LARGE1: variants seen among roughly 807,000 people sequenced by gnomAD.
LARGE1 encodes the protein xylosyl- and glucuronyltransferase LARGE1.
Under a neutral mutation model 87.6 loss-of-function variants are expected in LARGE1, and 43 were observed. The observed-to-expected ratio is 0.49, with a 90% CI of 0.38 to 0.63. The LOEUF (loss-of-function observed/expected upper bound fraction) is 0.63. Ranked by LOEUF, LARGE1 falls within the 30% of genes least tolerant of loss-of-function variation. The probability of loss-of-function intolerance (pLI) is 0.00; values close to 1 mark genes in which losing one functional copy is unlikely to be tolerated. For missense variants in LARGE1, 802 were observed against 1,000.2 expected (o/e 0.80, Z 2.67); for synonymous variants, 434 against 394.6 (o/e 1.10, Z -1.18).
In LARGE1 at chr22:33,283,358, G is replaced by T. The variant is rs772579469; in HGVS notation, c.1731-10C>A. 1.9e-6 allele frequency: 3 copies of T among 1,614,060 alleles called. No homozygotes were observed. Among genetic ancestry groups the T allele is most frequent in the Non-Finnish European group, 2.5e-6 (3 of 1,180,040 alleles). The stretch of plus-strand genomic sequence containing the variant: ...CTGGATGACAGACTTCCTGAAAAGA[G>T]GGGACAGGCAGAGAGACAGAGTCCC... On this transcript the variant is annotated splice_polypyrimidine_tract_variant and intron_variant, in intron 12 of 14. Coordinates refer to ENST00000397394, the MANE Select transcript of LARGE1 (RefSeq NM_133642.5).
intron 9 of LARGE1, among the ~76,000 whole-genome samples, chr22:33,359,558 A>ATTTTTTTTT (rs2064305372): frequency 7.1e-6 from 1 of 140,572 alleles, no homozygotes; most frequent in African/African-American, 2.7e-5. Context: ...TGGCAGACTC[A>ATTTTTTTTT]TCTTTTTTTT....
At chr22:33,153,669 T>C in the LARGE1 span, among the ~76,000 whole-genome samples, 2 of 152,230 alleles carry the variant, frequency 1.3e-5, no homozygotes, top group Non-Finnish European at 2.9e-5. Flanking sequence ...ACACATTTAC[T>C]TAACACTCTG....
chr22:33,908,903 G>T (rs1291933022), intron 1 of LARGE1, among the ~76,000 whole-genome samples: 1 of 152,172 alleles, frequency 6.6e-6, no homozygotes, highest in African/African-American at 2.4e-5. Context: ...CCAGAACCCA[G>T]ATGTCAGAGC....
chr22:33,143,549 T>G, the LARGE1 span, among the ~76,000 whole-genome samples: 1 of 152,124 alleles, frequency 6.6e-6, no homozygotes, highest in Non-Finnish European at 1.5e-5. Flanking sequence ...CATAATAAAA[T>G]TAACCCATTG....
At chr22:33,473,050 T>A (rs2068915227) in intron 6 of LARGE1, among the ~76,000 whole-genome samples, 1 of 152,204 alleles carries the variant, frequency 6.6e-6, no homozygotes, top group South Asian at 2.1e-4. Flanking sequence ...GAACTTTTAA[T>A]GCTAAAATTG....
the LARGE1 span, chr22:33,137,159 T>C: frequency 0.42 from 64,138 of 152,050 alleles, 13,977 homozygotes; most frequent in South Asian, 0.68. Flanking sequence ...CAGCCTTTAC[T>C]GTGAAGCTCA....
Position 33,761,553 on chromosome 22 carries a change from T to C in LARGE1, c.-77A>G, listed in dbSNP as rs2084730987. 1.8e-6 allele frequency: 2 copies of C among 1,126,538 alleles called. No homozygotes were observed. Among genetic ancestry groups the C allele is most frequent in the Admixed American group, 1.8e-5 (1 of 56,614 alleles). The allele number at this position is 1,126,538 out of a possible 1,614,324, so 69.8% of individuals were successfully genotyped here. On this transcript the variant is annotated 5_prime_UTR_variant, in exon 2 of 15. Transcript: ENST00000397394. ...ATGAAGTCCTCGGCCTCCCTCATAATACTCTCTGAAAGGAAGAGCAAAGAG... is the reference window on the plus strand; with the variant it reads ...ATGAAGTCCTCGGCCTCCCTCATAACACTCTCTGAAAGGAAGAGCAAAGAG...
At chr22:33,240,502 G>A (rs982864309) in intron 11 of LARGE1, among the ~76,000 whole-genome samples, 9 of 152,156 alleles carry the variant, frequency 5.9e-5, no homozygotes, top group African/African-American at 1.9e-4. Flanking sequence ...ACATGTGGGT[G>A]CATCTCCAGA....
intron 1 of LARGE1, among the ~76,000 whole-genome samples, chr22:33,808,130 A>T (rs1340578975): frequency 2.6e-5 from 4 of 152,360 alleles, no homozygotes; most frequent in Middle Eastern, 3.4e-3. Context: ...GCAACAAATG[A>T]GAGTTCCTGT....
the LARGE1 span, among the ~76,000 whole-genome samples, chr22:33,089,328 T>C: frequency 5.5e-5 from 3 of 54,790 alleles, no homozygotes; most frequent in African/African-American, 3.0e-4. Context: ...TTCTTTCTTC[T>C]TCTTCTTCTT....
intron 4 of LARGE1, among the ~76,000 whole-genome samples, chr22:33,623,865 A>G (rs2079835451): frequency 6.6e-6 from 1 of 152,006 alleles, no homozygotes. Flanking sequence ...CCCAGTCTCT[A>G]CTAAAAATAC....
chr22:33,615,671 C>CAAA (rs3072281), intron 4 of LARGE1, among the ~76,000 whole-genome samples: 1 of 134,574 alleles, frequency 7.4e-6, no homozygotes, highest in South Asian at 2.3e-4. Flanking sequence ...TAAGGAAAAA[C>CAAA]AAAAAAAAAA....
intron 2 of LARGE1, among the ~76,000 whole-genome samples, chr22:33,698,160 T>C (rs2082306722): frequency 6.6e-6 from 1 of 152,086 alleles, no homozygotes; most frequent in African/African-American, 2.4e-5. Flanking sequence ...GCAACCTCTC[T>C]CTCCAAGGTT....
chr22:33,240,310 C>T (rs1469287543), intron 11 of LARGE1, among the ~76,000 whole-genome samples: 2 of 152,110 alleles, frequency 1.3e-5, no homozygotes, highest in Admixed American at 6.6e-5. Flanking sequence ...CAAGTCTTTG[C>T]TCATTTTTAT....
At chr22:33,586,238 C>G (rs1240591632) in intron 5 of LARGE1, among the ~76,000 whole-genome samples, 4 of 152,154 alleles carry the variant, frequency 2.6e-5, no homozygotes, top group Non-Finnish European at 1.5e-5. Flanking sequence ...CCAAAATGAC[C>G]TAAGTAAAAA....
the LARGE1 span, among the ~76,000 whole-genome samples, chr22:33,126,550 G>A: frequency 3.9e-5 from 6 of 152,092 alleles, no homozygotes; most frequent in African/African-American, 9.7e-5. Flanking sequence ...AGGTCTAGGT[G>A]GTATATTGAA....
rs557040891 is a variant in LARGE1 at position 33,888,986 on chromosome 22, G to A, written c.-83+31009C>T. ...TACTTAAAGTCAGTTACACATTTAA[G>A]TTCCTGATGTAAATCAGCATCTGCC... On this transcript the variant is annotated intron_variant, in intron 1 of 14. Transcript: ENST00000397394. 2.6e-5 allele frequency among the ~76,000 whole-genome samples: 4 copies of A among 152,310 alleles called. No homozygotes were observed. In the South Asian group the frequency reaches 8.3e-4, roughly 32 times the overall value.
chr22:33,615,475 G>T (rs1338825797), intron 4 of LARGE1, among the ~76,000 whole-genome samples: 1 of 138,868 alleles, frequency 7.2e-6, no homozygotes, highest in Non-Finnish European at 1.5e-5. Context: ...AGAAAAAACA[G>T]ATTTCACTGA....
In LARGE1 at chr22:33,386,017, C is replaced by T. The variant is rs558296115; in HGVS notation, c.893-1713G>A. Among the ~76,000 whole-genome samples the T allele has an allele frequency of 8.8e-5, 13 of 148,426 alleles. 1 individual carries two copies. The highest frequency in any genetic ancestry group is 3.2e-4 in the African/African-American group (13 of 40,924). The stretch of plus-strand genomic sequence containing the variant: ...CACCATTTAGTGAAAGGTGTTTGGC[C>T]AGGTGGAGTTGGAAAAAAAATAGTA... On this transcript the variant is annotated intron_variant, in intron 7 of 14. Coordinates refer to ENST00000397394, the MANE Select transcript of LARGE1 (RefSeq NM_133642.5).
Sources: allele counts gnomAD v4.1 joint callset (sites outside exome capture counted in the v4.1 genomes callset), GRCh38; gene constraint gnomAD v4.1.1; transcripts MANE v1.5; gene names NCBI Gene and HGNC (gene_info 2026-07-23, HGNC 2026-07-21).